Variants in ENTR1 observed in about 807,000 individuals in gnomAD.
ENTR1 encodes endosome associated trafficking regulator 1.
ENTR1 carries 47 observed loss-of-function variants against 47.9 expected under a neutral mutation model. That is an observed-to-expected ratio of 0.98 (90% CI 0.78 to 1.25). The LOEUF is 1.25. Among genes scored for constraint, ENTR1 ranks in the 50% most tolerant of loss-of-function variants. The pLI is 0.00. For synonymous variants in ENTR1, 290 were observed against 245.8 expected (o/e 1.18, Z -1.68); for missense variants, 668 against 570.5 (o/e 1.17, Z -1.74).
chr9:136,408,294 A>G (rs555277004), intron 3 of ENTR1, among the ~76,000 whole-genome samples: 1 of 149,932 alleles, frequency 6.7e-6, no homozygotes, highest in Non-Finnish European at 1.5e-5. Flanking sequence ...AAAGCTCCTC[A>G]GGTGGCCAGG....
chr9:136,408,565 G>A (rs539430032), intron 3 of ENTR1, among the ~76,000 whole-genome samples: 21 of 152,172 alleles, frequency 1.4e-4, no homozygotes, highest in African/African-American at 3.9e-4. Flanking sequence ...GCGACAGAGC[G>A]AGACTCTGTC....
In ENTR1 at chr9:136,410,168, C is replaced by T; in HGVS notation, c.142G>A (p.Asp48Asn). ...GGCCGAATGCCGAAGAAGGGGGAGT[C>T]CAGGTCCCTGCCATGGGGGCGCTCA... ...NCERPHGRDL[D>N]SPFFGIRPAF... The change falls in exon 2 of 10, where the codon GAC (aspartate) becomes AAC (asparagine). Residue 48 changes from aspartate (D) to asparagine (N), a missense_variant. By Grantham distance (23) the Asp-to-Asn change is conservative (BLOSUM62 1). Coordinates refer to ENST00000357365, the MANE Select transcript of ENTR1 (RefSeq NM_001039707.2). 6.2e-7 allele frequency: 1 copy of T among 1,611,522 alleles called. No homozygotes were observed. Among genetic ancestry groups the T allele is most frequent in the Non-Finnish European group, 8.5e-7 (1 of 1,179,462 alleles).
intron 5 of ENTR1, among the ~76,000 whole-genome samples, chr9:136,406,756 C>A (rs529716095): frequency 6.6e-6 from 1 of 152,112 alleles, no homozygotes; most frequent in Non-Finnish European, 1.5e-5. Flanking sequence ...AGATTACAGG[C>A]GTGAGCCACG....
At chr9:136,405,262 A>G (rs1205434254) in intron 6 of ENTR1, 60 bp from the exon 7 acceptor site, 2 of 1,327,478 alleles carry the variant, frequency 1.5e-6, no homozygotes, top group East Asian at 4.6e-5. Flanking sequence ...GGACTACAAA[A>G]AGATACCTCA....
At position 136,404,909 on chromosome 9, in the gene ENTR1, T is replaced by C. The variant is rs952248765; in HGVS notation, c.1005+182A>G. On this transcript the variant is annotated intron_variant, in intron 7 of 9. Coordinates refer to ENST00000357365, the MANE Select transcript of ENTR1 (RefSeq NM_001039707.2). ...GCTCTGGCCCCCCACTCCCCACGGA[T>C]GCCCTCGTGGGCCAGCTATCCCCAG... 15 of 666,450 alleles carry C rather than the reference T, an allele frequency of 2.3e-5. No individual in the cohort carries two copies. In the Admixed American group the frequency reaches 2.6e-4, roughly 12 times the overall value. The allele number at this position is 666,450 out of a possible 1,614,324, so 41.3% of individuals were successfully genotyped here.
At chr9:136,407,089 C>G (rs545251690) in intron 5 of ENTR1, 56 bp downstream of exon 5, 6 of 1,513,072 alleles carry the variant, frequency 4.0e-6, no homozygotes, top group Non-Finnish European at 4.4e-6. Context: ...AGGTTCTCCC[C>G]GGGAGAAGCC....
In ENTR1 at chr9:136,405,983, GGAGA is replaced by G; in HGVS notation, c.820-9_820-6del. 6.2e-7 allele frequency: 1 copy of G among 1,604,774 alleles called. No homozygotes were observed. Among genetic ancestry groups the G allele is most frequent in the Non-Finnish European group, 8.5e-7 (1 of 1,175,614 alleles). On this transcript the variant is annotated splice_polypyrimidine_tract_variant and splice_region_variant and intron_variant, in intron 5 of 9. Coordinates refer to ENST00000357365, the MANE Select transcript of ENTR1 (RefSeq NM_001039707.2). The stretch of plus-strand genomic sequence containing the variant: ...CTTAGAATTTTCATCTTTCAGCTGT[GGAGA>G]GAGAACATCCTTATTAGAAAGTCAG...
At position 136,407,912 on chromosome 9, in the gene ENTR1, C is replaced by T. The variant is rs781034465; in HGVS notation, c.316G>A (p.Ala106Thr). 1.2e-6 allele frequency: 2 copies of T among 1,610,120 alleles called. No individual in the cohort carries two copies. The highest frequency in any genetic ancestry group is 1.1e-5 in the South Asian group (1 of 91,020). The change falls in exon 4 of 10, where the codon GCA becomes ACA. Residue 106 changes from alanine (A) to threonine (T), a missense_variant. Transcript: ENST00000357365. ...GDDRFEDLEE[A>T]NPFSFREFLK... ...AACTCTCTAAAAGAGAATGGATTTG[C>T]CTCTTCCAGATCTTCAAATCTGTCA...
At chr9:136,403,494 A>C (rs11145904) in intron 9 of ENTR1, among the ~76,000 whole-genome samples, 8,550 of 123,312 alleles carry the variant, frequency 0.069, 685 homozygotes, top group Admixed American at 0.11. Context: ...TTCCTGGGAG[A>C]AAGGGAGGGG....
At chr9:136,409,265 C>G (rs1312944399) in intron 2 of ENTR1, among the ~76,000 whole-genome samples, 198 bp from the exon 3 acceptor site, 1 of 151,824 alleles carries the variant, frequency 6.6e-6, no homozygotes, top group Non-Finnish European at 1.5e-5. Context: ...CCTGCAAGCT[C>G]CGCCTCCTGG....
At chr9:136,403,276 G>A (rs932719967) in intron 9 of ENTR1, among the ~76,000 whole-genome samples, 3 of 140,850 alleles carry the variant, frequency 2.1e-5, no homozygotes, top group African/African-American at 7.9e-5. Flanking sequence ...AGAATTCTGG[G>A]GGGAGAAACA....
At chr9:136,409,367 G>C (rs1834959894) in intron 2 of ENTR1, among the ~76,000 whole-genome samples, 1 of 152,104 alleles carries the variant, frequency 6.6e-6, no homozygotes, top group Admixed American at 6.5e-5. Flanking sequence ...ATTTTTTGTA[G>C]AGACGGGTTT....
chr9:136,409,799 C>T, intron 2 of ENTR1: 1 of 532,542 alleles, frequency 1.9e-6, no homozygotes, highest in Non-Finnish European at 3.6e-6. Flanking sequence ...CCAATCACTG[C>T]CCACTAGGTG....
rs1835015788 is a variant in ENTR1 at position 136,410,079 on chromosome 9, T to C, written c.220+11A>G. 6.2e-7 allele frequency: 1 copy of C among 1,612,156 alleles called. No individual in the cohort carries two copies. Among genetic ancestry groups the C allele is most frequent in the South Asian group, 1.1e-5 (1 of 91,024 alleles). ...GGAAGCGTCCCCGGGGCCGGCGCCC[T>C]CGTCTCTCACCTGTGTCTCCCACGG... is the stretch of plus-strand genomic sequence containing the variant. On this transcript the variant is annotated intron_variant, in intron 2 of 9. Transcript: ENST00000357365.
intron 5 of ENTR1, 172 bp downstream of exon 5, chr9:136,406,970 CCCA>C (rs1834794658): frequency 3.1e-6 from 2 of 643,658 alleles, no homozygotes; most frequent in Non-Finnish European, 5.2e-6. Context: ...CGGTTCTATT[CCCA>C]CGTGTAACCA....
rs538512986 is a variant in ENTR1, at chr9:136,404,727, T to A, written c.1006-34A>T. On this transcript the variant is annotated intron_variant, in intron 7 of 9. Transcript: ENST00000357365. ...CAAAAAAGAAAAACCACAAAAAGCA[T>A]CACTGATGTCCTCACATTCATACCG... 27 of 1,608,830 alleles carry A rather than the reference T, an allele frequency of 1.7e-5. No homozygotes were observed. In the South Asian group the frequency reaches 2.7e-4, roughly 16 times the overall value.
At chr9:136,403,664 C>T (rs1834620423) in intron 9 of ENTR1, among the ~76,000 whole-genome samples, 1 of 152,114 alleles carries the variant, frequency 6.6e-6, no homozygotes, top group East Asian at 1.9e-4. Context: ...ACCACTGTCA[C>T]AGTCATGGTG....
At chr9:136,405,288 C>T in intron 6 of ENTR1, 86 bp from the exon 7 acceptor site, 1 of 1,041,122 alleles carries the variant, frequency 9.6e-7, no homozygotes, top group Non-Finnish European at 1.5e-6. Flanking sequence ...CAGATAAAAC[C>T]CGCTAAGAGC....
At chr9:136,407,713 G>A in intron 4 of ENTR1, 113 bp downstream of exon 4, 2 of 1,370,052 alleles carry the variant, frequency 1.5e-6, no homozygotes, top group Non-Finnish European at 2.0e-6. Context: ...CTGCTCCCCA[G>A]CACTGACGCC....
Sources: gnomAD v4.1 joint callset for allele counts (sites outside exome capture counted in the v4.1 genomes callset) on GRCh38, gnomAD v4.1.1 for gene constraint, MANE v1.5 for transcripts, NCBI Gene and HGNC (gene_info 2026-07-23, HGNC 2026-07-21) for gene names.